CFAP45: variants seen among roughly 807,000 people sequenced by gnomAD.
CFAP45 encodes cilia and flagella associated protein 45, also known as cilia- and flagella-associated protein 45.
Under a neutral mutation model 75.6 loss-of-function variants are expected in CFAP45, and 43 were observed. The ratio of observed to expected loss-of-function variants is 0.57; its 90% CI spans 0.45 to 0.73. The LOEUF (loss-of-function observed/expected upper bound fraction) is 0.73. CFAP45 is among the 30% of genes least tolerant of loss of function. The pLI, the probability that CFAP45 is intolerant of heterozygous loss-of-function variation, is 0.00. For synonymous variants in CFAP45, 223 were observed against 244.6 expected, an observed-to-expected ratio of 0.91 and a Z score of 0.82; for missense variants, 689 against 701.5, an observed-to-expected ratio of 0.98 and a Z score of 0.20.
intron 10 of CFAP45, chr1:159,873,533 C>G (rs919200852): frequency 4.0e-6 from 1 of 247,210 alleles, no homozygotes; most frequent in African/African-American, 2.2e-5. Context: ...TGCAGTGGTG[C>G]TATCATAGCT....
chr1:159,884,058 G>A (rs1418887819), intron 7 of CFAP45, among the ~76,000 whole-genome samples: 1 of 152,220 alleles, frequency 6.6e-6, no homozygotes, highest in Non-Finnish European at 1.5e-5. Context: ...CTGGAACTAA[G>A]ATATTGCTAC....
intron 5 of CFAP45, 136 bp downstream of exon 5, chr1:159,887,705 C>A (rs78229409): frequency 0.012 from 10,417 of 858,612 alleles, 106 homozygotes; most frequent in East Asian, 0.038. Flanking sequence ...GCAACTACCA[C>A]AGCAGGTGCA....
chr1:159,888,100 C>T, intron 4 of CFAP45, 89 bp from the exon 5 acceptor site: 1 of 1,450,638 alleles, frequency 6.9e-7, no homozygotes, highest in South Asian at 1.3e-5. Flanking sequence ...TGACCCAGTA[C>T]AATTTTGCCT....
chr1:159,894,766 T>C (rs1027675362), intron 1 of CFAP45, among the ~76,000 whole-genome samples: 12 of 152,214 alleles, frequency 7.9e-5, no homozygotes, highest in Admixed American at 7.9e-4. Context: ...GGACCTAGGC[T>C]TAGCCAATGA....
At chr1:159,896,711 T>C (rs761791888) in intron 1 of CFAP45, among the ~76,000 whole-genome samples, 1 of 151,606 alleles carries the variant, frequency 6.6e-6, no homozygotes, top group Non-Finnish European at 1.5e-5. Context: ...AGGCAGGGGG[T>C]CTGGGGAAGA....
intron 8 of CFAP45, 84 bp downstream of exon 8, chr1:159,880,470 G>T: frequency 7.8e-7 from 1 of 1,286,358 alleles, no homozygotes; most frequent in Non-Finnish European, 1.1e-6. Context: ...GCCTTCCACT[G>T]GAGTTCCCTT....
chr1:159,888,599 A>G, intron 3 of CFAP45, 103 bp from the exon 4 acceptor site: 1 of 1,107,000 alleles, frequency 9.0e-7, no homozygotes. Flanking sequence ...ATGCCAGTGG[A>G]CTCCCCCAAT....
chr1:159,888,896 A>C (rs1649759268), intron 3 of CFAP45, among the ~76,000 whole-genome samples: 1 of 151,936 alleles, frequency 6.6e-6, no homozygotes, highest in Admixed American at 6.6e-5. Flanking sequence ...TTCCTTTATG[A>C]GCTCCTTCAG....
chr1:159,874,684 T>G (rs1649359044), intron 10 of CFAP45, among the ~76,000 whole-genome samples: 1 of 152,198 alleles, frequency 6.6e-6, no homozygotes, highest in Non-Finnish European at 1.5e-5. Flanking sequence ...AGGATGAACC[T>G]GGTCGTTCCA....
intron 1 of CFAP45, among the ~76,000 whole-genome samples, chr1:159,895,546 A>G (rs1649933638): frequency 1.3e-5 from 2 of 152,228 alleles, no homozygotes; most frequent in Admixed American, 1.3e-4. Context: ...ACAATGCTAT[A>G]TGTGCATTTC....
intron 11 of CFAP45, 116 bp from the exon 12 acceptor site, chr1:159,872,679 C>T (rs562444819): frequency 5.4e-6 from 5 of 919,940 alleles, no homozygotes; most frequent in South Asian, 2.8e-5. Flanking sequence ...CCCAACCCTG[C>T]TCTCACAATC....
chr1:159,897,965 A>C (rs1649989646), intron 1 of CFAP45: 1 of 239,566 alleles, frequency 4.2e-6, no homozygotes, highest in South Asian at 1.5e-4. Flanking sequence ...GAATGGGGCT[A>C]GAATAGGTCA....
rs539116292 is a variant in CFAP45, at chr1:159,878,753, T to TAAAAAAAAAAAAAAAAA, written c.1045-1308_1045-1292dup. Among the ~76,000 whole-genome samples, 289 of 32,478 alleles carry TAAAAAAAAAAAAAAAAA rather than the reference T, an allele frequency of 8.9e-3. 71 individuals carry two copies. Among genetic ancestry groups the TAAAAAAAAAAAAAAAAA allele is most frequent in the East Asian group, 0.03 (9 of 304 alleles). The allele number at this position is 32,478 out of a possible 152,430, so 21.3% of individuals were successfully genotyped here. A position where few individuals can be genotyped will look rare whatever the true frequency, so the allele number is the denominator to read the frequency against. ...CCTAGTGACAGAGCAAGACTACATC[T>TAAAAAAAAAAAAAAAAA]AAAAAAAAAAAAAAAAAAAAAAAAA... On this transcript the variant is annotated intron_variant, in intron 8 of 11. Coordinates refer to ENST00000368099, the MANE Select transcript of CFAP45 (RefSeq NM_012337.3).
rs2501328 is a variant in CFAP45 at position 159,877,554 on chromosome 1, C to T, written c.1045-92G>A. ...CCTACAACAGACTTTCCAATATCTCCCCTACCACTTCCTGACTCCTTTTAA... is the reference window on the plus strand; with the variant it reads ...CCTACAACAGACTTTCCAATATCTCTCCTACCACTTCCTGACTCCTTTTAA... On this transcript the variant is annotated intron_variant, in intron 8 of 11. Transcript: ENST00000368099. 3,388 of 867,492 alleles carry T rather than the reference C, an allele frequency of 3.9e-3. 80 individuals are homozygous for T. The African/African-American group carries it at 0.049, about 13-fold the overall frequency. The allele number at this position is 867,492 out of a possible 1,614,324, so 53.7% of individuals were successfully genotyped here.
At chr1:159,881,029 A>T (rs1263390055) in intron 7 of CFAP45, among the ~76,000 whole-genome samples, 1 of 152,186 alleles carries the variant, frequency 6.6e-6, no homozygotes, top group Non-Finnish European at 1.5e-5. Context: ...GGCTTTGCTC[A>T]TGGTGCTTCT....
Position 159,883,355 on chromosome 1 carries a change from C to T in CFAP45, c.897+1081G>A, listed in dbSNP as rs374604276. On this transcript the variant is annotated intron_variant, in intron 7 of 11. Coordinates refer to ENST00000368099, the MANE Select transcript of CFAP45 (RefSeq NM_012337.3). ...ATCAAAACAAACTAAAGAGACTCAACGGAATGCAATGTGCAAACCTTGATT... is the reference window on the plus strand; with the variant it reads ...ATCAAAACAAACTAAAGAGACTCAATGGAATGCAATGTGCAAACCTTGATT... Among the ~76,000 whole-genome samples the T allele has an allele frequency of 5.1e-4, 78 of 152,090 alleles. 2 individuals are homozygous for T. The South Asian group carries it at 9.5e-3, about 19-fold the overall frequency.
chr1:159,882,677 A>G (rs1649579512), intron 7 of CFAP45, among the ~76,000 whole-genome samples: 1 of 152,204 alleles, frequency 6.6e-6, no homozygotes, highest in Admixed American at 6.5e-5. Flanking sequence ...TTAGAAGGAC[A>G]TTAAAAGGAT....
chr1:159,893,391 G>C, intron 1 of CFAP45, 86 bp from the exon 2 acceptor site: 2 of 1,340,262 alleles, frequency 1.5e-6, no homozygotes, highest in South Asian at 2.4e-5. Flanking sequence ...GCCCATGCTG[G>C]GGGAGTGGGT....
At chr1:159,888,921 C>G (rs1351545453) in intron 3 of CFAP45, among the ~76,000 whole-genome samples, 1 of 152,170 alleles carries the variant, frequency 6.6e-6, no homozygotes, top group African/African-American at 2.4e-5. Flanking sequence ...CAAACTCTGT[C>G]TTAACCACAC....
Sources: allele counts gnomAD v4.1 joint callset (sites outside exome capture counted in the v4.1 genomes callset), GRCh38; gene constraint gnomAD v4.1.1; transcripts MANE v1.5; gene names NCBI Gene and HGNC (gene_info 2026-07-23, HGNC 2026-07-21).